The following FABP6 variants were observed in gnomAD, a reference collection of about 807,000 sequenced individuals.
The protein encoded by FABP6 is gastrotropin.
FABP6 carries 13 observed loss-of-function variants against 14.9 expected under a neutral mutation model. The observed-to-expected ratio is 0.87, with a 90% CI of 0.57 to 1.39. The LOEUF (loss-of-function observed/expected upper bound fraction) is 1.39, where lower values mean the gene tolerates loss of function less well. Ranked by LOEUF, FABP6 falls within the 40% of genes most tolerant of loss-of-function variation. The pLI is 0.00. For missense variants in FABP6, 161 were observed against 167.2 expected (o/e 0.96, Z 0.20); for synonymous variants, 75 against 63.6 (o/e 1.18, Z -0.85).
chr5:160,214,708 C>T (rs1759977551), intron 3 of FABP6, among the ~76,000 whole-genome samples: 1 of 151,442 alleles, frequency 6.6e-6, no homozygotes, highest in African/African-American at 2.4e-5. Flanking sequence ...AATCCCAACT[C>T]TTTGGGAGGC....
upstream of FABP6, chr5:160,229,419 G>T: frequency 6.5e-7 from 1 of 1,529,658 alleles, no homozygotes; most frequent in Non-Finnish European, 8.8e-7. Flanking sequence ...TCCTCTTCAG[G>T]ACAGGAGGGA....
At chr5:160,217,244 CA>C (rs1760031376) in intron 3 of FABP6, among the ~76,000 whole-genome samples, 1 of 152,080 alleles carries the variant, frequency 6.6e-6, no homozygotes, top group Admixed American at 6.6e-5. Context: ...TGGCATAAGG[CA>C]TAGAGTGGAG....
At chr5:160,229,313 C>A, upstream of FABP6, 2 of 772,788 alleles carry the variant, frequency 2.6e-6, no homozygotes, top group Non-Finnish European at 3.8e-6. Context: ...GCCATCCTGA[C>A]CCTGCTGGCA....
intron 3 of FABP6, among the ~76,000 whole-genome samples, chr5:160,214,171 T>C (rs1220163166): frequency 2.7e-5 from 4 of 147,900 alleles, no homozygotes; most frequent in East Asian, 4.1e-4. Flanking sequence ...TTCTTCTCTC[T>C]TATAATTTTT....
intron 2 of FABP6, chr5:160,213,648 G>T: frequency 8.9e-7 from 1 of 1,122,048 alleles, no homozygotes; most frequent in Admixed American, 1.7e-5. Flanking sequence ...GCTATGAGGA[G>T]CTCTGCCTCC....
In FABP6 at chr5:160,238,638, C is replaced by A. The variant is rs549913666; in HGVS notation, c.366C>A (p.Arg122=). ...CCATCGGAGGCGTGACCTATGAGCG[C>A]GTGAGCAAGAGACTGGCCTAAGCAG... The part of the protein sequence containing the change: ...VSTIGGVTYE[R]VSKRLA The change falls in exon 4 of 4, where the codon CGC becomes CGA. Residue 122 remains arginine, a synonymous_variant. Coordinates refer to ENST00000402432, the MANE Select transcript of FABP6 (RefSeq NM_001445.3). 1.2e-6 allele frequency: 2 copies of A among 1,614,070 alleles called. No homozygotes were observed. The highest frequency in any genetic ancestry group is 2.2e-5 in the South Asian group (2 of 91,064).
At chr5:160,192,772 G>T (rs1759423354) in intron 1 of FABP6, among the ~76,000 whole-genome samples, 1 of 152,264 alleles carries the variant, frequency 6.6e-6, no homozygotes, top group African/African-American at 2.4e-5. Context: ...GCCGTCTGGG[G>T]TCAAAGGGTA....
chr5:160,204,626 A>G (rs1759720781), intron 2 of FABP6: 2 of 152,128 alleles, frequency 1.3e-5, no homozygotes. Flanking sequence ...AGTAGCTGGG[A>G]TTACAGGCGC....
At chr5:160,193,772 C>T (rs920650095) in intron 1 of FABP6, among the ~76,000 whole-genome samples, 1 of 152,210 alleles carries the variant, frequency 6.6e-6, no homozygotes, top group African/African-American at 2.4e-5. Flanking sequence ...TTTTACAATC[C>T]CTGAGCTAGA....
At chr5:160,221,020 C>T (rs944550707) in intron 3 of FABP6, among the ~76,000 whole-genome samples, 5 of 139,532 alleles carry the variant, frequency 3.6e-5, no homozygotes, top group Non-Finnish European at 6.0e-5. Flanking sequence ...ACCCTGGAGG[C>T]GGAGGTTGCA....
intron 2 of FABP6, among the ~76,000 whole-genome samples, chr5:160,210,608 G>A (rs1418895569): frequency 3.3e-5 from 5 of 152,294 alleles, no homozygotes; most frequent in South Asian, 2.1e-4. Flanking sequence ...GCCTCAGCTC[G>A]AAGACCTGCA....
intron 2 of FABP6, among the ~76,000 whole-genome samples, chr5:160,211,464 T>A (rs1759888726): frequency 6.6e-6 from 1 of 152,148 alleles, no homozygotes; most frequent in African/African-American, 2.4e-5. Context: ...GTTAAGGAAG[T>A]GGGCTTTATT....
intron 1 of FABP6, among the ~76,000 whole-genome samples, chr5:160,191,466 T>TCAAA (rs111562373): frequency 0.91 from 137,598 of 150,720 alleles, 62,952 homozygotes; most frequent in African/African-American, 0.94. Flanking sequence ...AAACTCCATC[T>TCAAA]CAAACAAACA....
chr5:160,210,388 C>G (rs1020093509), intron 2 of FABP6, among the ~76,000 whole-genome samples: 2 of 152,202 alleles, frequency 1.3e-5, no homozygotes, highest in Admixed American at 1.3e-4. Context: ...GCTCTCTGAA[C>G]TGTGGTACAA....
chr5:160,225,944 C>G (rs7713738), upstream of FABP6, among the ~76,000 whole-genome samples: 1 of 151,928 alleles, frequency 6.6e-6, no homozygotes, highest in Non-Finnish European at 1.5e-5. Context: ...GAGGCCGAGG[C>G]GAGTGGATCA....
chr5:160,199,432 G>A (rs1759582805), intron 2 of FABP6, among the ~76,000 whole-genome samples: 1 of 152,150 alleles, frequency 6.6e-6, no homozygotes, highest in Non-Finnish European at 1.5e-5. Flanking sequence ...AGACGATGGC[G>A]GTGGGGACCG....
At chr5:160,214,807 A>ATAAG (rs70990713) in intron 3 of FABP6, among the ~76,000 whole-genome samples, 1 of 151,886 alleles carries the variant, frequency 6.6e-6, no homozygotes, top group Non-Finnish European at 1.5e-5. Flanking sequence ...AAAGAAAGAA[A>ATAAG]GAAAGAAATC....
At chr5:160,223,129 T>C (rs553266616) in intron 3 of FABP6, among the ~76,000 whole-genome samples, 2 of 152,268 alleles carry the variant, frequency 1.3e-5, no homozygotes, top group South Asian at 4.1e-4. Context: ...ACACATCAAA[T>C]GTTTGTGGCA....
intron 1 of FABP6, among the ~76,000 whole-genome samples, chr5:160,190,632 A>T (rs1759375836): frequency 6.6e-6 from 1 of 152,174 alleles, no homozygotes; most frequent in African/African-American, 2.4e-5. Context: ...TTCTACTGGG[A>T]ATAGCTTCAG....
Sources: allele counts gnomAD v4.1 joint callset (sites outside exome capture counted in the v4.1 genomes callset), GRCh38; gene constraint gnomAD v4.1.1; transcripts MANE v1.5; gene names NCBI Gene and HGNC (gene_info 2026-07-23, HGNC 2026-07-21).